NALF1: variants seen among roughly 807,000 people sequenced by gnomAD.
NALF1 encodes family with sequence similarity 155 member A.
Under a neutral mutation model 48.4 loss-of-function variants are expected in NALF1, and 3 were observed. That is an observed-to-expected ratio of 0.06 (90% CI 0.03 to 0.16). The LOEUF is 0.16. Ranked by LOEUF, NALF1 falls within the 10% of genes least tolerant of loss-of-function variation. NALF1 has a pLI of 1.00. For synonymous variants in NALF1, 262 were observed against 245.7 expected (o/e 1.07, Z -0.62); for missense variants, 526 against 571.5 (o/e 0.92, Z 0.81).
At chr13:107,838,487 C>T (rs889620575) in intron 1 of NALF1, among the ~76,000 whole-genome samples, 9 of 152,104 alleles carry the variant, frequency 5.9e-5, no homozygotes, top group African/African-American at 1.9e-4. Flanking sequence ...GCTTTACCTA[C>T]TTAAAGGAGA....
intron 1 of NALF1, among the ~76,000 whole-genome samples, chr13:107,272,201 T>TAAAAAGGGAAATTCA (rs1248890499): frequency 3.6e-5 from 1 of 27,624 alleles, no homozygotes; most frequent in Non-Finnish European, 9.4e-5. Context: ...TAGAATTTTT[T>TAAAAAGGGAAATTCA]TTTTTTTTTT....
At chr13:107,226,569 CTA>C (rs1253378339) in intron 1 of NALF1, among the ~76,000 whole-genome samples, 1 of 152,168 alleles carries the variant, frequency 6.6e-6, no homozygotes, top group Non-Finnish European at 1.5e-5. Flanking sequence ...ATTTCATAGA[CTA>C]TAATGTAAAA....
At position 107,165,654 on chromosome 13, in the gene NALF1, G is replaced by C. The variant is rs1878641957; in HGVS notation, c.*4843C>G. On this transcript the variant is annotated 3_prime_UTR_variant, in exon 3 of 3. Transcript: ENST00000375915. ...GAATTTCTAGAATTTGTAGCTGTTT[G>C]ATAGTTCTTATAAATGTCATGAAGA... The C allele has an allele frequency of 1.3e-5, 2 of 152,124 alleles. No individual in the cohort carries two copies. The highest frequency in any genetic ancestry group is 4.8e-5 in the African/African-American group (2 of 41,406). The allele number at this position is 152,124 out of a possible 1,614,324, so 9.4% of individuals were successfully genotyped here.
At chr13:107,406,781 C>T (rs9520426) in intron 1 of NALF1, among the ~76,000 whole-genome samples, 20,952 of 151,602 alleles carry the variant, frequency 0.14, 1,868 homozygotes, top group East Asian at 0.4. Context: ...AAAATGTATA[C>T]GAAATCACAA....
rs1880175910 is a variant in NALF1 at position 107,229,513 on chromosome 13, C to A, written c.916-18758G>T. 2.0e-5 allele frequency among the ~76,000 whole-genome samples: 3 copies of A among 152,128 alleles called. No homozygotes were observed. In the South Asian group the frequency reaches 6.2e-4, roughly 32 times the overall value. ...AACTGTTATTATGCATCAGGGGACG[C>A]CTTCGGCTCAGCTGCTAACCTTTCC... On this transcript the variant is annotated intron_variant, in intron 1 of 2. Transcript: ENST00000375915.
intron 1 of NALF1, among the ~76,000 whole-genome samples, chr13:107,662,802 A>C (rs1167414560): frequency 6.6e-6 from 1 of 152,146 alleles, no homozygotes; most frequent in Non-Finnish European, 1.5e-5. Context: ...GTAAAAAGAC[A>C]CTCTCGTTTT....
chr13:107,210,971 C>A (rs1879748916), intron 1 of NALF1, among the ~76,000 whole-genome samples: 1 of 152,164 alleles, frequency 6.6e-6, no homozygotes, highest in Non-Finnish European at 1.5e-5. Flanking sequence ...GATTGCATCC[C>A]TAATAGAATG....
intron 1 of NALF1, among the ~76,000 whole-genome samples, chr13:107,728,198 G>A (rs1416016659): frequency 6.6e-6 from 1 of 152,050 alleles, no homozygotes; most frequent in Admixed American, 6.5e-5. Context: ...TATACCCAAA[G>A]GATTATAAAT....
intron 2 of NALF1, among the ~76,000 whole-genome samples, chr13:107,204,855 GA>G (rs202104845): frequency 6.6e-4 from 98 of 149,090 alleles, no homozygotes; most frequent in Non-Finnish European, 1.1e-3. Context: ...TGTTTTCAGA[GA>G]AAAAAAAACC....
intron 1 of NALF1, among the ~76,000 whole-genome samples, chr13:107,488,042 C>A (rs950468953): frequency 2.6e-5 from 4 of 151,632 alleles, no homozygotes; most frequent in Non-Finnish European, 5.9e-5. Context: ...TATAGATTTT[C>A]TAGTTTATAT....
At chr13:107,597,478 G>A (rs533800782) in intron 1 of NALF1, among the ~76,000 whole-genome samples, 30 of 152,150 alleles carry the variant, frequency 2.0e-4, no homozygotes, top group Non-Finnish European at 1.5e-4. Context: ...GACAATGCAT[G>A]AATTTTTGTG....
At chr13:107,254,062 A>AAAAAAAAAAAAAATATATATATATATAT in intron 1 of NALF1, among the ~76,000 whole-genome samples, 72 of 138,676 alleles carry the variant, frequency 5.2e-4, no homozygotes, top group South Asian at 3.3e-3. Context: ...CAAGTACTAA[A>AAAAAAAAAAAAAATATATATATATATAT]ATATATATAT....
intron 1 of NALF1, among the ~76,000 whole-genome samples, chr13:107,216,252 C>A (rs1345512110): frequency 6.6e-6 from 1 of 152,220 alleles, no homozygotes; most frequent in African/African-American, 2.4e-5. Context: ...GGCTAATGCA[C>A]TTTGACGCAT....
chr13:107,696,172 T>C (rs1028776469), intron 1 of NALF1, among the ~76,000 whole-genome samples: 24 of 152,210 alleles, frequency 1.6e-4, no homozygotes, highest in African/African-American at 5.8e-4. Context: ...GCTAGGATTA[T>C]AGGCGTGAGC....
chr13:107,260,521 G>C (rs1401010542), intron 1 of NALF1, among the ~76,000 whole-genome samples: 1 of 152,152 alleles, frequency 6.6e-6, no homozygotes, highest in Non-Finnish European at 1.5e-5. Context: ...TCATGAATTT[G>C]TGTTATAATA....
intron 1 of NALF1, among the ~76,000 whole-genome samples, chr13:107,677,061 T>G (rs1433534312): frequency 6.7e-6 from 1 of 148,356 alleles, no homozygotes; most frequent in East Asian, 2.0e-4. Context: ...GTTTTTGTTT[T>G]TATGAGACAG....
intron 1 of NALF1, among the ~76,000 whole-genome samples, chr13:107,350,684 T>C (rs1196448027): frequency 6.6e-6 from 1 of 152,246 alleles, no homozygotes; most frequent in African/African-American, 2.4e-5. Flanking sequence ...TTTTCCCTTT[T>C]CCTGAGCGTT....
intron 1 of NALF1, among the ~76,000 whole-genome samples, chr13:107,318,498 G>A (rs1288271855): frequency 6.6e-6 from 1 of 152,024 alleles, no homozygotes; most frequent in African/African-American, 2.4e-5. Flanking sequence ...CATTTACAAA[G>A]TATGAGTTTC....
At chr13:107,794,508 A>C (rs1324214056) in intron 1 of NALF1, among the ~76,000 whole-genome samples, 1 of 151,640 alleles carries the variant, frequency 6.6e-6, no homozygotes, top group Non-Finnish European at 1.5e-5. Context: ...AATGCTTAAC[A>C]ATATGTCAAA....
Sources: gnomAD v4.1 joint callset for allele counts (sites outside exome capture counted in the v4.1 genomes callset) on GRCh38, gnomAD v4.1.1 for gene constraint, MANE v1.5 for transcripts, NCBI Gene and HGNC (gene_info 2026-07-23, HGNC 2026-07-21) for gene names.